The following PRR16 variants were observed in gnomAD, a reference collection of about 807,000 sequenced individuals.
The protein encoded by PRR16 is proline rich 16, also known as protein Largen.
Under a neutral mutation model 18.2 loss-of-function variants are expected in PRR16, and 6 were observed. That is an observed-to-expected ratio of 0.33 (90% confidence interval 0.18 to 0.65). The LOEUF is 0.65. Ranked by LOEUF, PRR16 falls within the 30% of genes least tolerant of loss-of-function variation. The pLI is 0.74. For missense variants in PRR16, 412 were observed against 376.6 expected (o/e 1.09, Z -0.78); for synonymous variants, 151 against 147.8 (o/e 1.02, Z -0.16).
intron 1 of PRR16, among the ~76,000 whole-genome samples, chr5:120,677,678 G>A (rs181122440): frequency 6.6e-6 from 1 of 152,200 alleles, no homozygotes; most frequent in East Asian, 1.9e-4. Flanking sequence ...GCAAATTCTT[G>A]TGGTTGAGAA....
the PRR16 span, among the ~76,000 whole-genome samples, chr5:120,768,102 A>G: frequency 6.6e-6 from 1 of 151,822 alleles, no homozygotes; most frequent in African/African-American, 2.4e-5. Context: ...TCAACCAGTA[A>G]TTATCTTTAG....
chr5:120,579,987 T>C (rs1004019471), intron 1 of PRR16, among the ~76,000 whole-genome samples: 1 of 152,198 alleles, frequency 6.6e-6, no homozygotes, highest in African/African-American at 2.4e-5. Context: ...TTATTCTCTT[T>C]GTAGCAATTG....
the PRR16 span, among the ~76,000 whole-genome samples, chr5:120,715,497 A>C: frequency 6.6e-6 from 1 of 152,204 alleles, no homozygotes; most frequent in African/African-American, 2.4e-5. Flanking sequence ...AATATTTTTA[A>C]TGATAATTCT....
intron 1 of PRR16, among the ~76,000 whole-genome samples, chr5:120,608,687 A>C (rs1208237214): frequency 6.6e-6 from 1 of 152,148 alleles, no homozygotes; most frequent in East Asian, 1.9e-4. Flanking sequence ...TCAACTATAG[A>C]ATTATTTTTC....
chr5:120,782,419 C>T, the PRR16 span, among the ~76,000 whole-genome samples: 1 of 152,122 alleles, frequency 6.6e-6, no homozygotes, highest in African/African-American at 2.4e-5. Flanking sequence ...TTTTATCTTT[C>T]AAATTGTGTT....
At chr5:120,755,798 G>A in the PRR16 span, among the ~76,000 whole-genome samples, 5 of 152,022 alleles carry the variant, frequency 3.3e-5, no homozygotes, top group South Asian at 2.1e-4. Context: ...CCAGGTTCTT[G>A]TTGTTTTAAA....
At chr5:120,599,849 T>C (rs898579547) in intron 1 of PRR16, among the ~76,000 whole-genome samples, 1 of 151,712 alleles carries the variant, frequency 6.6e-6, no homozygotes, top group Non-Finnish European at 1.5e-5. Context: ...GGTAGATGGG[T>C]CAATTTCCTC....
At chr5:120,674,514 A>T (rs1025038355) in intron 1 of PRR16, among the ~76,000 whole-genome samples, 1 of 152,174 alleles carries the variant, frequency 6.6e-6, no homozygotes, top group Non-Finnish European at 1.5e-5. Flanking sequence ...TTACTAGCAA[A>T]ATGTCTTTCA....
At chr5:120,682,811 C>A (rs564114902) in intron 1 of PRR16, among the ~76,000 whole-genome samples, 1 of 152,308 alleles carries the variant, frequency 6.6e-6, no homozygotes, top group South Asian at 2.1e-4. Context: ...TTTGAAGTAA[C>A]AACCACTTCC....
At chr5:120,744,410 A>G in the PRR16 span, among the ~76,000 whole-genome samples, 1 of 152,130 alleles carries the variant, frequency 6.6e-6, no homozygotes, top group Non-Finnish European at 1.5e-5. Flanking sequence ...GGGATTGGGG[A>G]AGGAGACAGA....
At chr5:120,554,220 C>A (rs138447415) in intron 1 of PRR16, among the ~76,000 whole-genome samples, 1 of 151,948 alleles carries the variant, frequency 6.6e-6, no homozygotes, top group East Asian at 1.9e-4. Context: ...CCAATATACT[C>A]TGTGCTTTCT....
chr5:120,520,690 T>C (rs918239237), intron 1 of PRR16, among the ~76,000 whole-genome samples: 1 of 152,146 alleles, frequency 6.6e-6, no homozygotes, highest in Non-Finnish European at 1.5e-5. Flanking sequence ...AATTTGACCA[T>C]CTTACGTGAG....
At chr5:120,694,625 C>T in the PRR16 span, among the ~76,000 whole-genome samples, 1 of 148,340 alleles carries the variant, frequency 6.7e-6, no homozygotes. Flanking sequence ...GCGGAGCTTG[C>T]AGTGAGCCGA....
chr5:120,684,148 G>T (rs1757051869), intron 1 of PRR16, among the ~76,000 whole-genome samples: 1 of 152,180 alleles, frequency 6.6e-6, no homozygotes. Flanking sequence ...AGAGTTTCTG[G>T]ATTTCTGATT....
chr5:120,628,743 TATCTATC>T (rs1395270374), intron 1 of PRR16, among the ~76,000 whole-genome samples: 4 of 137,594 alleles, frequency 2.9e-5, no homozygotes, highest in African/African-American at 1.1e-4. Context: ...TCTATCTATC[TATCTATC>T]ATCTATCTGT....
chr5:120,778,694 T>G, the PRR16 span, among the ~76,000 whole-genome samples: 103 of 152,256 alleles, frequency 6.8e-4, no homozygotes, highest in African/African-American at 2.3e-3. Flanking sequence ...CCTGCTTGTG[T>G]TTTGGTAAGG....
At chr5:120,704,877 G>C in the PRR16 span, among the ~76,000 whole-genome samples, 1 of 152,130 alleles carries the variant, frequency 6.6e-6, no homozygotes, top group Admixed American at 6.6e-5. Context: ...ATATGTGTAA[G>C]AGACAAGAAT....
chr5:120,498,336 C>T (rs1046747301), intron 1 of PRR16, among the ~76,000 whole-genome samples: 5 of 148,406 alleles, frequency 3.4e-5, no homozygotes, highest in Non-Finnish European at 7.4e-5. Flanking sequence ...TACATATATA[C>T]ATATACATAT....
At chr5:120,646,048 TTATATATATATA>T (rs10606917) in intron 1 of PRR16, among the ~76,000 whole-genome samples, 3 of 104,996 alleles carry the variant, frequency 2.9e-5, no homozygotes, top group East Asian at 7.7e-4. Flanking sequence ...AATACATATT[TTATATATATATA>T]TATATATATA....
Sources: allele counts gnomAD v4.1 joint callset (sites outside exome capture counted in the v4.1 genomes callset), GRCh38; gene constraint gnomAD v4.1.1; transcripts MANE v1.5; gene names NCBI Gene and HGNC (gene_info 2026-07-23, HGNC 2026-07-21).